The following FARS2 variants were observed in gnomAD, a reference collection of about 807,000 sequenced individuals.
FARS2 encodes phenylalanyl-tRNA synthetase 2, mitochondrial.
A neutral mutation model predicts 46.4 loss-of-function variants in FARS2; 40 were observed. The ratio of observed to expected loss-of-function variants is 0.86; its 90% confidence interval spans 0.67 to 1.12. FARS2 has a LOEUF of 1.12. Among genes scored for constraint, FARS2 ranks in the 50% most tolerant of loss-of-function variants. The probability of loss-of-function intolerance (pLI) is 0.00; values close to 1 mark genes in which losing one functional copy is unlikely to be tolerated. For missense variants in FARS2, 513 were observed against 567.9 expected, an observed-to-expected ratio of 0.90 and a Z score of 0.98; for synonymous variants, 234 against 214.9, an observed-to-expected ratio of 1.09 and a Z score of -0.78.
At chr6:5,770,505 A>G (rs1402113287) in intron 6 of FARS2, among the ~76,000 whole-genome samples, 2 of 152,130 alleles carry the variant, frequency 1.3e-5, no homozygotes, top group Non-Finnish European at 2.9e-5. Flanking sequence ...GCATTCAGAG[A>G]TGGTGAGATG....
Position 5,613,150 on chromosome 6 carries a change from T to C in FARS2, c.1066-19T>C, listed in dbSNP as rs1561752216. Reference sequence around the variant, plus strand: ...TCAACTAACAAGTTCATGTATCTTTTCTCCTCTTGTTTTGTTAGCCTCTTA... The same window carrying C: ...TCAACTAACAAGTTCATGTATCTTTCCTCCTCTTGTTTTGTTAGCCTCTTA... On this transcript the variant is annotated intron_variant, in intron 5 of 6. Transcript: ENST00000274680. 1 of 1,605,186 alleles carries C rather than the reference T, an allele frequency of 6.2e-7. No homozygotes were observed. Among genetic ancestry groups the C allele is most frequent in the Non-Finnish European group, 8.5e-7 (1 of 1,175,534 alleles).
intron 6 of FARS2, among the ~76,000 whole-genome samples, chr6:5,697,436 A>G (rs1480550762): frequency 6.6e-6 from 1 of 152,230 alleles, no homozygotes; most frequent in African/African-American, 2.4e-5. Flanking sequence ...TCATTGCATA[A>G]AACTTTGGAG....
intron 3 of FARS2, among the ~76,000 whole-genome samples, chr6:5,415,310 CTTTTTTT>C (rs773981175): frequency 1.8e-3 from 94 of 53,636 alleles, no homozygotes; most frequent in Middle Eastern, 0.013. Context: ...CTTTTCTTTT[CTTTTTTT>C]TTTTTTTTTT....
At chr6:5,383,163 A>G (rs1349555850) in intron 2 of FARS2, among the ~76,000 whole-genome samples, 1 of 152,242 alleles carries the variant, frequency 6.6e-6, no homozygotes, top group Non-Finnish European at 1.5e-5. Context: ...TCATGGTGAA[A>G]CACTGAGAGT....
intron 1 of FARS2, among the ~76,000 whole-genome samples, chr6:5,288,053 C>T (rs532931515): frequency 1.3e-5 from 2 of 152,312 alleles, no homozygotes; most frequent in South Asian, 4.1e-4. Context: ...CAGAGCCCTC[C>T]TCATATTTAT....
chr6:5,317,554 G>A (rs900164278), intron 1 of FARS2, among the ~76,000 whole-genome samples: 1 of 152,152 alleles, frequency 6.6e-6, no homozygotes, highest in African/African-American at 2.4e-5. Flanking sequence ...GCCGGGGCAA[G>A]AGGATTGTCT....
At chr6:5,303,427 A>G (rs1014741467) in intron 1 of FARS2, among the ~76,000 whole-genome samples, 9 of 152,114 alleles carry the variant, frequency 5.9e-5, no homozygotes, top group Admixed American at 1.3e-4. Flanking sequence ...AAATGGCCCC[A>G]AGGTGAAGTC....
chr6:5,530,150 C>T (rs558069883), intron 4 of FARS2, among the ~76,000 whole-genome samples: 9 of 152,210 alleles, frequency 5.9e-5, no homozygotes, highest in East Asian at 5.8e-4. Context: ...AAGTAAGCAT[C>T]GGGGTCTCCA....
intron 1 of FARS2, among the ~76,000 whole-genome samples, chr6:5,347,076 G>C (rs1438456115): frequency 6.6e-6 from 1 of 151,984 alleles, no homozygotes; most frequent in African/African-American, 2.4e-5. Flanking sequence ...ACCACACCTG[G>C]CTAATTTTTG....
intron 6 of FARS2, among the ~76,000 whole-genome samples, chr6:5,739,442 C>T (rs959166466): frequency 2.6e-5 from 4 of 152,018 alleles, no homozygotes; most frequent in African/African-American, 4.8e-5. Context: ...ACCAGTTATT[C>T]CTGGGAAGCA....
Position 5,308,990 on chromosome 6 carries a change from T to A in FARS2, c.-22+47330T>A, listed in dbSNP as rs141206285. Among the ~76,000 whole-genome samples the A allele has an allele frequency of 3.9e-5, 6 of 152,272 alleles. No homozygotes were observed. In the East Asian group the frequency reaches 1.2e-3, roughly 29 times the overall value. On this transcript the variant is annotated intron_variant, in intron 1 of 6. Transcript: ENST00000274680. Reference sequence around the variant, plus strand: ...GGGCACTAATTCTATTCATAAGGGCTTTGCCCCCGTGATCTAACCACCTCC... The same window carrying A: ...GGGCACTAATTCTATTCATAAGGGCATTGCCCCCGTGATCTAACCACCTCC...
At chr6:5,356,323 G>A (rs1281880807) in intron 1 of FARS2, among the ~76,000 whole-genome samples, 1 of 152,142 alleles carries the variant, frequency 6.6e-6, no homozygotes, top group Admixed American at 6.5e-5. Context: ...GGTGGTGCAC[G>A]CCTGTAATCC....
intron 1 of FARS2, among the ~76,000 whole-genome samples, chr6:5,348,689 CAAAT>C (rs1168266382): frequency 6.7e-6 from 1 of 150,334 alleles, no homozygotes; most frequent in African/African-American, 2.4e-5. Flanking sequence ...TATTTGGAGA[CAAAT>C]AAATATAATC....
intron 6 of FARS2, among the ~76,000 whole-genome samples, chr6:5,625,778 C>T (rs1776001060): frequency 6.6e-6 from 1 of 152,168 alleles, no homozygotes; most frequent in Non-Finnish European, 1.5e-5. Flanking sequence ...GCTGTTACAG[C>T]AGAATCATCA....
chr6:5,481,810 A>AC (rs11400105), intron 4 of FARS2, among the ~76,000 whole-genome samples: 122,248 of 151,502 alleles, frequency 0.81, 49,542 homozygotes, highest in South Asian at 0.86. Context: ...TGTTAAAAAG[A>AC]CCCCCCTTGC....
intron 1 of FARS2, among the ~76,000 whole-genome samples, chr6:5,280,354 G>A (rs1444814865): frequency 6.6e-6 from 1 of 152,182 alleles, no homozygotes; most frequent in Non-Finnish European, 1.5e-5. Context: ...TGCTCTTTCT[G>A]TACATGCCCA....
intron 4 of FARS2, among the ~76,000 whole-genome samples, chr6:5,539,238 G>A (rs1226952752): frequency 6.7e-5 from 10 of 150,024 alleles, no homozygotes; most frequent in Non-Finnish European, 1.2e-4. Context: ...CAGGAGTCTC[G>A]CTCTGTGGCC....
At chr6:5,379,904 A>T (rs912638754) in intron 2 of FARS2, among the ~76,000 whole-genome samples, 4 of 152,156 alleles carry the variant, frequency 2.6e-5, no homozygotes, top group Non-Finnish European at 5.9e-5. Flanking sequence ...CAAGGACTCA[A>T]CTCAGTTTTC....
chr6:5,546,947 A>ATTTTATTTTATTTTG (rs1771063591), intron 5 of FARS2, among the ~76,000 whole-genome samples: 1 of 150,762 alleles, frequency 6.6e-6, no homozygotes, highest in African/African-American at 2.4e-5. Flanking sequence ...ATTTTATTTT[A>ATTTTATTTTATTTTG]TTTTATTTTA....
Sources: gnomAD v4.1 joint callset for allele counts (sites outside exome capture counted in the v4.1 genomes callset) on GRCh38, gnomAD v4.1.1 for gene constraint, MANE v1.5 for transcripts, NCBI Gene and HGNC (gene_info 2026-07-23, HGNC 2026-07-21) for gene names.